The following CENPE variants were observed in gnomAD, a reference collection of about 807,000 sequenced individuals.
CENPE encodes centromere-associated protein E.
Under a neutral mutation model 336.1 loss-of-function variants are expected in CENPE, and 145 were observed. The observed-to-expected ratio is 0.43, with a 90% CI of 0.38 to 0.50. CENPE has a LOEUF of 0.50. Among genes scored for constraint, CENPE ranks in the 20% least tolerant of loss-of-function variants. The pLI is 0.00. For synonymous variants in CENPE, 1,013 were observed against 984.8 expected (o/e 1.03, Z -0.54); for missense variants, 2,719 against 3,023.3 (o/e 0.90, Z 2.36).
At chr4:103,111,943 C>G (rs1194327920) in intron 46 of CENPE, among the ~76,000 whole-genome samples, 2 of 151,190 alleles carry the variant, frequency 1.3e-5, no homozygotes, top group African/African-American at 4.9e-5. Flanking sequence ...GTGTTTTTAC[C>G]CACAACTTTC....
Position 103,158,682 on chromosome 4 carries a change from G to T in CENPE, c.2806C>A (p.Gln936Lys), listed in dbSNP as rs1314754494. Residue 936 changes from glutamine (Q) to lysine (K), a missense_variant, in exon 23 of 49, where the codon CAA (glutamine) becomes AAA (lysine). Physicochemically the swap from Gln to Lys is moderately conservative, Grantham distance 53. Transcript: ENST00000265148. Reference protein sequence around the residue: ...TLTQEKDDLKQLQESLQIERD... With the variant: ...TLTQEKDDLKKLQESLQIERD... ...TCAATTTGCAAGCTTTCTTGGAGTTGTTTTAGATCATCTTTTTCTTGAGTT... is the reference window on the plus strand; with the variant it reads ...TCAATTTGCAAGCTTTCTTGGAGTTTTTTTAGATCATCTTTTTCTTGAGTT... 6.2e-7 allele frequency: 1 copy of T among 1,612,484 alleles called. No homozygotes were observed. The highest frequency in any genetic ancestry group is 1.3e-5 in the African/African-American group (1 of 74,854).
chr4:103,130,724 G>A lies in CENPE; in HGVS notation c.6924+1969C>T, dbSNP rs193053159. 9.2e-5 allele frequency among the ~76,000 whole-genome samples: 14 copies of A among 152,172 alleles called. No individual in the cohort carries two copies. In the East Asian group the frequency reaches 2.3e-3, roughly 25 times the overall value. ...CACAATGCTGAAGAACGACGTCAGA[G>A]AACTGATGTTACTTGACTTCCAGAT... On this transcript the variant is annotated intron_variant, in intron 42 of 48. Transcript: ENST00000265148.
chr4:103,145,799 T>G (rs1753003112), intron 30 of CENPE, 30 bp downstream of exon 30: 1 of 1,559,526 alleles, frequency 6.4e-7, no homozygotes, highest in Non-Finnish European at 8.6e-7. Flanking sequence ...CAAAATATTT[T>G]TTAAAAACAT....
Position 103,116,706 on chromosome 4 carries a change from G to T in CENPE, c.7330-17C>A. ...AACTTTGTCCTAAATTTTTTTTAGAGAAAATAAAAATAATTATTAGAGGCG... is the reference window on the plus strand; with the variant it reads ...AACTTTGTCCTAAATTTTTTTTAGATAAAATAAAAATAATTATTAGAGGCG... On this transcript the variant is annotated splice_polypyrimidine_tract_variant and intron_variant, in intron 44 of 48. Transcript: ENST00000265148. 2 of 1,382,344 alleles carry T rather than the reference G, an allele frequency of 1.4e-6. No individual in the cohort carries two copies. Among genetic ancestry groups the T allele is most frequent in the South Asian group, 2.6e-5 (2 of 75,686 alleles). 85.6% of individuals were successfully genotyped at this position (1,382,344 alleles called of 1,614,324 possible).
chr4:103,145,689 A>G lies in CENPE; in HGVS notation c.4414-8T>C. 1 of 1,565,420 alleles carries G rather than the reference A, an allele frequency of 6.4e-7. No individual in the cohort carries two copies. Among genetic ancestry groups the G allele is most frequent in the Non-Finnish European group, 8.6e-7 (1 of 1,164,340 alleles). ...CTCTTCAGTTTCCAGGTGCTTTATTATTAGAGGAAATTCCAATAAATTTAT... is the reference window on the plus strand; with the variant it reads ...CTCTTCAGTTTCCAGGTGCTTTATTGTTAGAGGAAATTCCAATAAATTTAT... On this transcript the variant is annotated splice_region_variant and splice_polypyrimidine_tract_variant and intron_variant, in intron 30 of 48. Transcript: ENST00000265148.
intron 42 of CENPE, 31 bp from the exon 43 acceptor site, chr4:103,123,120 T>G: frequency 1.3e-6 from 2 of 1,522,730 alleles, no homozygotes; most frequent in Non-Finnish European, 1.8e-6. Context: ...ATTATAGCTC[T>G]AAAACGATTT....
chr4:103,156,771 C>T lies in CENPE; in HGVS notation c.3033+1529G>A, dbSNP rs77190771. Reference sequence around the variant, plus strand: ...AAAAACTTCTGTGTATCAAAGGATACAATCAACAGAGTAAAAAGACAGCCG... The same window carrying T: ...AAAAACTTCTGTGTATCAAAGGATATAATCAACAGAGTAAAAAGACAGCCG... On this transcript the variant is annotated intron_variant, in intron 24 of 48. Transcript: ENST00000265148. 9.4e-3 allele frequency among the ~76,000 whole-genome samples: 1,428 copies of T among 151,942 alleles called. 55 individuals are homozygous for T. Among genetic ancestry groups the T allele is most frequent in the East Asian group, 0.068 (352 of 5,168 alleles).
At chr4:103,178,823 C>T (rs1033630483) in intron 13 of CENPE, among the ~76,000 whole-genome samples, 5 of 152,156 alleles carry the variant, frequency 3.3e-5, no homozygotes, top group Non-Finnish European at 5.9e-5. Flanking sequence ...TCTTTCTCTG[C>T]CTTACCCAAT....
intron 16 of CENPE, among the ~76,000 whole-genome samples, chr4:103,173,434 A>G (rs1755579231): frequency 1.3e-5 from 2 of 152,070 alleles, no homozygotes; most frequent in South Asian, 4.1e-4. Flanking sequence ...GAAATGCTTC[A>G]TAACATTGGT....
intron 46 of CENPE, among the ~76,000 whole-genome samples, chr4:103,113,310 A>G (rs181130320): frequency 3.6e-4 from 51 of 142,878 alleles, no homozygotes; most frequent in Admixed American, 8.7e-4. Context: ...AGTTCTGTTT[A>G]TTCTCCTGTA....
chr4:103,145,132 T>A lies in CENPE; in HGVS notation c.4775A>T (p.Lys1592Ile). 1 of 1,612,402 alleles carries A rather than the reference T, an allele frequency of 6.2e-7. No individual in the cohort carries two copies. The highest frequency in any genetic ancestry group is 8.5e-7 in the Non-Finnish European group (1 of 1,179,350). ...CTCCTGTACTCTTTTCATTTCCTCT[T>A]TTTCCTTAATCATAATTTGTATTTC... ...QEEIQIMIKE[K>I]EEMKRVQEAL... Residue 1592 changes from lysine (K) to isoleucine (I), a missense_variant, in exon 32 of 49, where the codon AAA (lysine) becomes ATA (isoleucine). Lys to Ile is a moderately radical substitution (Grantham distance 102, BLOSUM62 -3). This residue lies in a region of CENPE where 2,437 missense variants were observed against 2,513.3 expected (regional missense o/e 0.97). Transcript: ENST00000265148.
At chr4:103,131,030 G>A (rs1751545203) in intron 42 of CENPE, among the ~76,000 whole-genome samples, 2 of 151,942 alleles carry the variant, frequency 1.3e-5, no homozygotes, top group African/African-American at 2.4e-5. Context: ...GATGATCTTG[G>A]GTTTGGTGAT....
Position 103,111,408 on chromosome 4 carries a change from AC to A in CENPE, c.7541-398del, listed in dbSNP as rs113126835. 3.5e-3 allele frequency among the ~76,000 whole-genome samples: 539 copies of A among 152,282 alleles called. 3 individuals are homozygous for A. The highest frequency in any genetic ancestry group is 0.011 in the African/African-American group (470 of 41,558). ...GGAGGTGAGGTAGGGTGGGAGGGCC[AC>A]CCCGTCATTCAGTGCATTATATGTA... On this transcript the variant is annotated intron_variant, in intron 46 of 48. Transcript: ENST00000265148.
intron 40 of CENPE, 112 bp from the exon 41 acceptor site, chr4:103,134,004 T>A (rs1027649727): frequency 2.8e-6 from 2 of 703,202 alleles, no homozygotes; most frequent in African/African-American, 3.6e-5. Context: ...ACCTATATCC[T>A]CTCACAAGTG....
At chr4:103,144,914 C>A in intron 32 of CENPE, 136 bp downstream of exon 32, 2 of 728,180 alleles carry the variant, frequency 2.7e-6, no homozygotes, top group Non-Finnish European at 2.1e-6. Context: ...TGAATATAAG[C>A]AGTTTTTGAT....
chr4:103,134,310 G>T (rs907229204), intron 40 of CENPE, among the ~76,000 whole-genome samples: 1 of 152,152 alleles, frequency 6.6e-6, no homozygotes, highest in East Asian at 1.9e-4. Flanking sequence ...CGCTGATTGG[G>T]TAACCAAAAA....
intron 40 of CENPE, among the ~76,000 whole-genome samples, chr4:103,134,120 G>C (rs1751854548): frequency 6.6e-6 from 1 of 152,148 alleles, no homozygotes; most frequent in South Asian, 2.1e-4. Flanking sequence ...CTTCTTACCA[G>C]ATATACTTCT....
chr4:103,106,907 A>C (rs1485126630), intron 48 of CENPE, among the ~76,000 whole-genome samples: 1 of 152,180 alleles, frequency 6.6e-6, no homozygotes, highest in Non-Finnish European at 1.5e-5. Flanking sequence ...AGCTGGGACT[A>C]TCTCATTTAA....
At chr4:103,196,382 A>C in intron 2 of CENPE, 130 bp from the exon 3 acceptor site, 1 of 744,998 alleles carries the variant, frequency 1.3e-6, no homozygotes, top group Non-Finnish European at 2.2e-6. Context: ...TATTTAAGAC[A>C]CAGTATTTTT....
Sources: gnomAD v4.1 joint callset for allele counts (sites outside exome capture counted in the v4.1 genomes callset) on GRCh38, gnomAD v4.1.1 for gene constraint, gnomAD v4.1.1 regional missense constraint, MANE v1.5 for transcripts, NCBI Gene and HGNC (gene_info 2026-07-23, HGNC 2026-07-21) for gene names.